The following PRKCI variants were observed in gnomAD, a reference collection of about 807,000 sequenced individuals.
PRKCI encodes the protein protein kinase C iota.
Under a neutral mutation model 84.0 loss-of-function variants are expected in PRKCI, and 43 were observed. The ratio of observed to expected loss-of-function variants is 0.51; its 90% CI spans 0.40 to 0.66. PRKCI has a LOEUF of 0.66. PRKCI is among the 30% of genes least tolerant of loss of function. PRKCI has a pLI of 0.00. For missense variants in PRKCI, 459 were observed against 745.6 expected, an observed-to-expected ratio of 0.62 and a Z score of 4.48; for synonymous variants, 216 against 234.4, an observed-to-expected ratio of 0.92 and a Z score of 0.72.
At chr3:170,247,285 G>C (rs773095019) in intron 2 of PRKCI, among the ~76,000 whole-genome samples, 1 of 151,764 alleles carries the variant, frequency 6.6e-6, no homozygotes, top group Non-Finnish European at 1.5e-5. Flanking sequence ...TGAACTCTTG[G>C]ACTCAAGCAA....
chr3:170,280,414 C>A lies in PRKCI; in HGVS notation c.882+11C>A. The A allele has an allele frequency of 6.3e-7, 1 of 1,593,122 alleles. No individual in the cohort carries two copies. Among genetic ancestry groups the A allele is most frequent in the Non-Finnish European group, 8.6e-7 (1 of 1,169,040 alleles). ...GTTAATGATGATGAGGTAAGCACTG[C>A]ATATTTTATTGCTTCTAAACTGCTT... On this transcript the variant is annotated intron_variant, in intron 9 of 17. Transcript: ENST00000295797.
rs1376553345 is a variant in PRKCI at position 170,270,965 on chromosome 3, G to A, written c.591+404G>A. ...ATCATGTTTGTTATTTAAACTGTGA[G>A]ATTACTGGCGAGGAAAGCATTTAAA... is the stretch of plus-strand genomic sequence containing the variant. On this transcript the variant is annotated intron_variant, in intron 6 of 17. Transcript: ENST00000295797. Among the ~76,000 whole-genome samples, 494 of 152,116 alleles carry A rather than the reference G, an allele frequency of 3.2e-3. 4 individuals carry two copies. Among genetic ancestry groups the A allele is most frequent in the African/African-American group, 0.012 (483 of 41,518 alleles).
chr3:170,302,932 C>A (rs1734856883), intron 17 of PRKCI, 108 bp from the exon 18 acceptor site: 1 of 658,368 alleles, frequency 1.5e-6, no homozygotes, highest in African/African-American at 1.9e-5. Flanking sequence ...TTATAGATTT[C>A]CTTTCAGTAC....
chr3:170,236,077 C>T (rs906328079), intron 2 of PRKCI, among the ~76,000 whole-genome samples: 1 of 149,098 alleles, frequency 6.7e-6, no homozygotes, highest in East Asian at 2.0e-4. Flanking sequence ...GGAGCCACTG[C>T]ATTCAGCTTC....
intron 1 of PRKCI, among the ~76,000 whole-genome samples, chr3:170,226,015 G>C (rs959270335): frequency 5.3e-5 from 8 of 151,806 alleles, no homozygotes; most frequent in Non-Finnish European, 1.0e-4. Flanking sequence ...CAGGTTCAAG[G>C]GATTCTCCTG....
In PRKCI at chr3:170,298,720, T is replaced by G. The variant is rs552305754; in HGVS notation, c.1588-275T>G. 3.9e-5 allele frequency among the ~76,000 whole-genome samples: 6 copies of G among 152,272 alleles called. No individual in the cohort carries two copies. The South Asian group carries it at 1.2e-3, about 32-fold the overall frequency. On this transcript the variant is annotated intron_variant, in intron 16 of 17. Transcript: ENST00000295797. The stretch of plus-strand genomic sequence containing the variant: ...TGCACCCAGCCAATTTTTAATTTTT[T>G]TATAGAGATGGGATCTTGCTATGTT...
At chr3:170,238,464 CTT>C (rs34392317) in intron 2 of PRKCI, among the ~76,000 whole-genome samples, 78 of 144,098 alleles carry the variant, frequency 5.4e-4, no homozygotes, top group East Asian at 3.0e-3. Context: ...CATCATTACT[CTT>C]TTTTTTTTTT....
At chr3:170,239,789 T>A (rs1353222999) in intron 2 of PRKCI, among the ~76,000 whole-genome samples, 1 of 148,542 alleles carries the variant, frequency 6.7e-6, no homozygotes, top group Non-Finnish European at 1.5e-5. Context: ...AGAGCAGAGG[T>A]CTTGTCTGTT....
intron 2 of PRKCI, among the ~76,000 whole-genome samples, chr3:170,236,755 G>A (rs1299930968): frequency 4.6e-5 from 7 of 151,780 alleles, no homozygotes; most frequent in Admixed American, 2.0e-4. Context: ...CAGCTACTTG[G>A]GAGGCTGAGG....
intron 12 of PRKCI, among the ~76,000 whole-genome samples, chr3:170,287,445 T>C (rs1394267398): frequency 6.6e-6 from 1 of 151,994 alleles, no homozygotes; most frequent in Non-Finnish European, 1.5e-5. Context: ...CATTCTGTTA[T>C]GTAGCATCAC....
At chr3:170,229,775 A>T (rs935711437) in intron 1 of PRKCI, among the ~76,000 whole-genome samples, 1 of 152,224 alleles carries the variant, frequency 6.6e-6, no homozygotes, top group African/African-American at 2.4e-5. Flanking sequence ...CTTAATTTAC[A>T]TTCTTAACAA....
intron 1 of PRKCI, among the ~76,000 whole-genome samples, chr3:170,225,169 C>G (rs905460302): frequency 2.6e-5 from 4 of 152,208 alleles, no homozygotes; most frequent in Non-Finnish European, 5.9e-5. Flanking sequence ...CAAATAACCT[C>G]TTGCCCATTG....
intron 7 of PRKCI, among the ~76,000 whole-genome samples, chr3:170,274,041 C>T (rs569999084): frequency 3.3e-5 from 5 of 151,920 alleles, no homozygotes; most frequent in South Asian, 2.1e-4. Flanking sequence ...TCTTTTGAGA[C>T]GCCTTTAAAT....
intron 4 of PRKCI, among the ~76,000 whole-genome samples, chr3:170,266,216 C>T (rs1733853344): frequency 6.6e-6 from 1 of 152,066 alleles, no homozygotes; most frequent in South Asian, 2.1e-4. Flanking sequence ...ATTTGAGAAA[C>T]ATATTAATAT....
intron 14 of PRKCI, among the ~76,000 whole-genome samples, chr3:170,295,102 C>A (rs1217782018): frequency 6.6e-6 from 1 of 151,500 alleles, no homozygotes; most frequent in Admixed American, 6.6e-5. Context: ...ATCCTAACTA[C>A]TCAGGAGGCT....
rs1177878709 is a variant in PRKCI at position 170,255,240 on chromosome 3, A to G, written c.224-4729A>G. 2.0e-5 allele frequency among the ~76,000 whole-genome samples: 3 copies of G among 151,620 alleles called. No homozygotes were observed. In the East Asian group the frequency reaches 5.8e-4, roughly 29 times the overall value. On this transcript the variant is annotated intron_variant, in intron 2 of 17. Coordinates refer to ENST00000295797, the MANE Select transcript of PRKCI (RefSeq NM_002740.6). ...CATGCCTGGCTAATTTTGTATTTTTAGTGGAGACGAGGTTTCTCCATGTTA... is the reference window on the plus strand; with the variant it reads ...CATGCCTGGCTAATTTTGTATTTTTGGTGGAGACGAGGTTTCTCCATGTTA...
At chr3:170,233,997 A>G (rs1732875654) in intron 1 of PRKCI, among the ~76,000 whole-genome samples, 1 of 146,150 alleles carries the variant, frequency 6.8e-6, no homozygotes, top group African/African-American at 2.5e-5. Context: ...CTGGGATTAC[A>G]GGTGTGAGCC....
chr3:170,280,361 T>G lies in PRKCI; in HGVS notation c.840T>G (p.Tyr280Ter). The G allele has an allele frequency of 6.2e-7, 1 of 1,613,944 alleles. No homozygotes were observed. Among genetic ancestry groups the G allele is most frequent in the Non-Finnish European group, 8.5e-7 (1 of 1,179,920 alleles). The stretch of plus-strand genomic sequence containing the variant: ...GATTAAAAAAAACAGATCGTATTTA[T>G]GCAATGAAAGTTGTGAAAAAAGAGC... Reference protein sequence around the residue: ...LVRLKKTDRIYAMKVVKKELV... With the variant: ...LVRLKKTDRI Residue 280 changes from tyrosine (Y) to a stop codon, truncating the protein, a stop_gained, in exon 9 of 18, where the codon TAT (tyrosine) becomes TAG (stop). Coordinates refer to ENST00000295797, the MANE Select transcript of PRKCI (RefSeq NM_002740.6). LOFTEE classifies it high-confidence loss of function.
At chr3:170,275,688 TAAAAC>T (rs1734097338) in intron 8 of PRKCI, among the ~76,000 whole-genome samples, 1 of 151,914 alleles carries the variant, frequency 6.6e-6, no homozygotes, top group Non-Finnish European at 1.5e-5. Flanking sequence ...TATCAGTTTT[TAAAAC>T]AAAACAAATA....
Sources: gnomAD v4.1 joint callset for allele counts (sites outside exome capture counted in the v4.1 genomes callset) on GRCh38, gnomAD v4.1.1 for gene constraint, MANE v1.5 for transcripts, NCBI Gene and HGNC (gene_info 2026-07-23, HGNC 2026-07-21) for gene names.